The following AAGAB variants were observed in gnomAD, a reference collection of about 807,000 sequenced individuals.
AAGAB encodes alpha- and gamma-adaptin-binding protein p34.
AAGAB carries 38 observed loss-of-function variants against 44.1 expected under a neutral mutation model. That is an observed-to-expected ratio of 0.86 (90% CI 0.67 to 1.13). The LOEUF is 1.13. AAGAB is among the 50% of genes most tolerant of loss of function. The pLI, the probability that AAGAB is intolerant of heterozygous loss-of-function variation, is 0.00. For missense variants in AAGAB, 450 were observed against 373.8 expected, an observed-to-expected ratio of 1.20 and a Z score of -1.68; for synonymous variants, 131 against 131.8, an observed-to-expected ratio of 0.99 and a Z score of 0.04.
At chr15:67,244,693 T>G (rs1964679491) in intron 1 of AAGAB, among the ~76,000 whole-genome samples, 1 of 151,910 alleles carries the variant, frequency 6.6e-6, no homozygotes, top group Non-Finnish European at 1.5e-5. Flanking sequence ...AATGCCAGCT[T>G]CTTGGGAGGC....
Position 67,240,676 on chromosome 15 carries a change from C to T in AAGAB, c.74-3856G>A, listed in dbSNP as rs1267615225. On this transcript the variant is annotated intron_variant, in intron 1 of 9. Coordinates refer to ENST00000261880, the MANE Select transcript of AAGAB (RefSeq NM_024666.5). Reference sequence around the variant, plus strand: ...AACTTTTTACAAAGCCATCAATTCTCCAGTAACTCCCATTTACTTTCTCAC... The same window carrying T: ...AACTTTTTACAAAGCCATCAATTCTTCAGTAACTCCCATTTACTTTCTCAC... Among the ~76,000 whole-genome samples, 3 of 152,198 alleles carry T rather than the reference C, an allele frequency of 2.0e-5. No homozygotes were observed. The South Asian group carries it at 6.2e-4, about 32-fold the overall frequency.
At chr15:67,229,308 C>T (rs1964278879) in intron 5 of AAGAB, among the ~76,000 whole-genome samples, 1 of 151,934 alleles carries the variant, frequency 6.6e-6, no homozygotes, top group South Asian at 2.1e-4. Flanking sequence ...TGGTGCGCGC[C>T]TGTAATCCTG....
chr15:67,204,258 C>A, intron 7 of AAGAB, 110 bp from the exon 8 acceptor site: 1 of 669,668 alleles, frequency 1.5e-6, no homozygotes, highest in Non-Finnish European at 2.5e-6. Flanking sequence ...GATCGAAGGC[C>A]CAGTGTATAC....
intron 1 of AAGAB, among the ~76,000 whole-genome samples, chr15:67,248,679 A>C (rs1042736496): frequency 5.3e-5 from 8 of 152,220 alleles, no homozygotes; most frequent in Non-Finnish European, 1.2e-4. Flanking sequence ...AGACCTAGAA[A>C]CAAATTCCCA....
chr15:67,205,437 G>T (rs144864920), intron 7 of AAGAB, among the ~76,000 whole-genome samples: 1 of 152,184 alleles, frequency 6.6e-6, no homozygotes, highest in Admixed American at 6.5e-5. Flanking sequence ...AATGTAGACA[G>T]AATCACTCCA....
At chr15:67,253,834 C>T (rs970086021) in intron 1 of AAGAB, among the ~76,000 whole-genome samples, 1 of 152,046 alleles carries the variant, frequency 6.6e-6, no homozygotes, top group Non-Finnish European at 1.5e-5. Context: ...TAAGTCACTG[C>T]TCTGATTCTA....
intron 4 of AAGAB, among the ~76,000 whole-genome samples, chr15:67,234,113 C>T (rs1023301222): frequency 8.0e-5 from 12 of 149,872 alleles, no homozygotes; most frequent in Admixed American, 4.7e-4. Flanking sequence ...ATTACCCAGG[C>T]GTGGTGGCGG....
At chr15:67,241,927 G>GA in intron 1 of AAGAB, among the ~76,000 whole-genome samples, 1 of 152,184 alleles carries the variant, frequency 6.6e-6, no homozygotes. Flanking sequence ...AAATAAAGTT[G>GA]AAATTTTTCT....
rs756314278 is a variant in AAGAB at position 67,236,500 on chromosome 15, G to A, written c.269C>T (p.Ser90Leu). 1.2e-5 allele frequency: 19 copies of A among 1,613,702 alleles called. No homozygotes were observed. Among genetic ancestry groups the A allele is most frequent in the Non-Finnish European group, 1.5e-5 (18 of 1,179,764 alleles). ...FVVYFDSTQK[S>L]GLDSVSSWLP... ...CCATGAGGAGACACTATCAAGGCCC[G>A]ATTTCTAGAGGGAACAAAAAATATA... Residue 90 changes from serine to leucine, a missense_variant, in exon 3 of 10, where the codon TCG becomes TTG. By Grantham distance (145) the Ser-to-Leu change is moderately radical. Coordinates refer to ENST00000261880, the MANE Select transcript of AAGAB (RefSeq NM_024666.5).
At chr15:67,246,811 A>T (rs1964735589) in intron 1 of AAGAB, among the ~76,000 whole-genome samples, 1 of 152,100 alleles carries the variant, frequency 6.6e-6, no homozygotes, top group South Asian at 2.1e-4. Context: ...GTGTCTAGCT[A>T]AAGGATTGTA....
intron 1 of AAGAB, among the ~76,000 whole-genome samples, chr15:67,237,124 T>A (rs1596007281): frequency 6.6e-6 from 1 of 152,160 alleles, no homozygotes; most frequent in African/African-American, 2.4e-5. Flanking sequence ...AAAGAGCAAG[T>A]AGAAGACAAA....
At chr15:67,225,585 A>G (rs1347910344) in intron 5 of AAGAB, among the ~76,000 whole-genome samples, 1 of 152,116 alleles carries the variant, frequency 6.6e-6, no homozygotes, top group Non-Finnish European at 1.5e-5. Flanking sequence ...GGAACCACTA[A>G]TCTACTTTCT....
chr15:67,232,249 CA>C (rs34877999), intron 4 of AAGAB, among the ~76,000 whole-genome samples: 279 of 88,640 alleles, frequency 3.1e-3, no homozygotes, highest in African/African-American at 7.4e-3. Flanking sequence ...AACTCCATCT[CA>C]AAAAAAAAAA....
chr15:67,239,684 G>A (rs1455365269), intron 1 of AAGAB, among the ~76,000 whole-genome samples: 1 of 152,080 alleles, frequency 6.6e-6, no homozygotes, highest in African/African-American at 2.4e-5. Flanking sequence ...CCATATTAGA[G>A]CTAGGGAGAG....
intron 7 of AAGAB, among the ~76,000 whole-genome samples, chr15:67,206,182 T>C (rs984592189): frequency 6.6e-6 from 1 of 152,252 alleles, no homozygotes; most frequent in African/African-American, 2.4e-5. Context: ...TTATTTTGTA[T>C]AATGTCCCTT....
rs778231997 is a variant in AAGAB at position 67,254,551 on chromosome 15, C to T, written c.73+8G>A. On this transcript the variant is annotated splice_region_variant and intron_variant, in intron 1 of 9. Transcript: ENST00000261880. ...CTTGGAGGTCGGCCCAGGCGCCTAT[C>T]TACTCACGTTGGACCAGCTGGTCTC... 6 of 1,604,380 alleles carry T rather than the reference C, an allele frequency of 3.7e-6. No individual in the cohort carries two copies. The African/African-American group carries it at 6.7e-5, about 18-fold the overall frequency.
At chr15:67,243,798 C>T (rs932119278) in intron 1 of AAGAB, among the ~76,000 whole-genome samples, 2 of 152,140 alleles carry the variant, frequency 1.3e-5, no homozygotes, top group African/African-American at 4.8e-5. Context: ...TCACAACCTC[C>T]TACCCCAGAT....
At chr15:67,236,591 A>G (rs1159972634) in intron 2 of AAGAB, 39 bp downstream of exon 2, 1 of 1,604,602 alleles carries the variant, frequency 6.2e-7, no homozygotes, top group Non-Finnish European at 8.5e-7. Flanking sequence ...GGCATGCAAT[A>G]ATTTCTTATT....
Position 67,236,363 on chromosome 15 carries a change from A to T in AAGAB, c.361+45T>A, listed in dbSNP as rs774087773. ...ACAGATGTACTCTGTTTATCAAGGAATGGCAAATGCATGTACCAACTACTG... is the reference window on the plus strand; with the variant it reads ...ACAGATGTACTCTGTTTATCAAGGATTGGCAAATGCATGTACCAACTACTG... On this transcript the variant is annotated intron_variant, in intron 3 of 9. Coordinates refer to ENST00000261880, the MANE Select transcript of AAGAB (RefSeq NM_024666.5). 1.6e-5 allele frequency: 25 copies of T among 1,537,230 alleles called. No homozygotes were observed. In the South Asian group the frequency reaches 2.6e-4, roughly 16 times the overall value.
Sources: gnomAD v4.1 joint callset for allele counts (sites outside exome capture counted in the v4.1 genomes callset) on GRCh38, gnomAD v4.1.1 for gene constraint, MANE v1.5 for transcripts, NCBI Gene and HGNC (gene_info 2026-07-23, HGNC 2026-07-21) for gene names.